The following ATRNL1 variants were observed in gnomAD, a reference collection of about 807,000 sequenced individuals.
ATRNL1 encodes attractin like 1, also known as attractin-like protein 1.
A neutral mutation model predicts 182.7 loss-of-function variants in ATRNL1; 95 were observed. That is an observed-to-expected ratio of 0.52 (90% confidence interval 0.44 to 0.62). The LOEUF is 0.62. Ranked by LOEUF, ATRNL1 falls within the 20% of genes least tolerant of loss-of-function variation. The pLI, the probability that ATRNL1 is intolerant of heterozygous loss-of-function variation, is 0.00. For synonymous variants in ATRNL1, 576 were observed against 568.3 expected (o/e 1.01, Z -0.19); for missense variants, 1,471 against 1,679.5 (o/e 0.88, Z 2.17).
chr10:115,465,609 G>T (rs1317861688), intron 22 of ATRNL1, among the ~76,000 whole-genome samples: 1 of 143,892 alleles, frequency 6.9e-6, no homozygotes, highest in East Asian at 2.0e-4. Context: ...ATAATCAATA[G>T]AAAATAAGAA....
At chr10:115,501,452 T>C (rs1849833564) in intron 24 of ATRNL1, among the ~76,000 whole-genome samples, 1 of 152,162 alleles carries the variant, frequency 6.6e-6, no homozygotes, top group Non-Finnish European at 1.5e-5. Context: ...TGTTATTGGC[T>C]CCATAAGTTG....
At chr10:115,383,842 G>C (rs1469776215) in intron 19 of ATRNL1, among the ~76,000 whole-genome samples, 1 of 151,898 alleles carries the variant, frequency 6.6e-6, no homozygotes, top group Non-Finnish European at 1.5e-5. Context: ...GTAAAATTTA[G>C]TTACCTTTTC....
intron 15 of ATRNL1, among the ~76,000 whole-genome samples, chr10:115,294,410 G>A (rs1853077336): frequency 1.3e-5 from 2 of 152,128 alleles, no homozygotes. Context: ...TTTATTCATT[G>A]AATTCTTCAG....
chr10:115,101,455 T>C (rs962193056), intron 1 of ATRNL1, among the ~76,000 whole-genome samples: 1 of 152,134 alleles, frequency 6.6e-6, no homozygotes, highest in Non-Finnish European at 1.5e-5. Context: ...TCTGTGCCCA[T>C]TGAGATAATC....
intron 26 of ATRNL1, among the ~76,000 whole-genome samples, chr10:115,707,117 C>T (rs1009423658): frequency 7.9e-5 from 12 of 151,740 alleles, no homozygotes; most frequent in African/African-American, 2.9e-4. Context: ...CCTGTAGTAT[C>T]ACATAATATA....
intron 21 of ATRNL1, among the ~76,000 whole-genome samples, chr10:115,440,194 A>G (rs1170282892): frequency 4.0e-5 from 6 of 151,892 alleles, no homozygotes; most frequent in African/African-American, 1.4e-4. Flanking sequence ...TTCTAGCACT[A>G]CAAGATATTT....
At chr10:115,566,544 G>A (rs1342100090) in intron 26 of ATRNL1, among the ~76,000 whole-genome samples, 1 of 152,056 alleles carries the variant, frequency 6.6e-6, no homozygotes, top group Non-Finnish European at 1.5e-5. Context: ...TAATTAAAAT[G>A]CACTATTTTA....
intron 20 of ATRNL1, among the ~76,000 whole-genome samples, chr10:115,410,705 C>G (rs534139567): frequency 1.3e-5 from 2 of 152,010 alleles, no homozygotes; most frequent in Non-Finnish European, 2.9e-5. Context: ...TGTGTTTTAC[C>G]TTTTATATCT....
chr10:115,111,312 A>G (rs1362968301), intron 1 of ATRNL1, among the ~76,000 whole-genome samples: 1 of 152,260 alleles, frequency 6.6e-6, no homozygotes, highest in Non-Finnish European at 1.5e-5. Flanking sequence ...TGTTAGAATT[A>G]TAGAGCTCAG....
intron 25 of ATRNL1, among the ~76,000 whole-genome samples, chr10:115,525,491 A>C (rs558265182): frequency 6.6e-6 from 1 of 152,208 alleles, no homozygotes; most frequent in African/African-American, 2.4e-5. Context: ...AAGCCTCCTT[A>C]TAATACTGGT....
chr10:115,483,510 A>G (rs1233570850), intron 24 of ATRNL1, among the ~76,000 whole-genome samples: 26 of 151,566 alleles, frequency 1.7e-4, no homozygotes, highest in Non-Finnish European at 3.3e-4. Context: ...ATTTTGGCTT[A>G]TTGCCAAATA....
At chr10:115,525,012 G>A (rs1851136270) in intron 25 of ATRNL1, among the ~76,000 whole-genome samples, 1 of 152,052 alleles carries the variant, frequency 6.6e-6, no homozygotes, top group South Asian at 2.1e-4. Flanking sequence ...TATTTTCAGG[G>A]ATCATTTTAC....
At chr10:115,368,306 C>G (rs1554946834) in intron 19 of ATRNL1, among the ~76,000 whole-genome samples, 5 of 152,210 alleles carry the variant, frequency 3.3e-5, no homozygotes, top group Non-Finnish European at 7.3e-5. Flanking sequence ...GTCCGTCACC[C>G]CTTTCTTTGA....
chr10:115,805,915 A>G (rs1439632777), intron 27 of ATRNL1, among the ~76,000 whole-genome samples: 2 of 152,208 alleles, frequency 1.3e-5, no homozygotes, highest in South Asian at 4.1e-4. Context: ...TTTATGCTAC[A>G]TAAAACGATA....
intron 21 of ATRNL1, among the ~76,000 whole-genome samples, chr10:115,458,413 T>A (rs782154527): frequency 3.3e-5 from 5 of 152,184 alleles, no homozygotes; most frequent in Admixed American, 6.6e-5. Flanking sequence ...TTGGTATTCT[T>A]ATTAGACACT....
intron 26 of ATRNL1, among the ~76,000 whole-genome samples, chr10:115,681,020 G>C (rs1280969395): frequency 6.6e-6 from 1 of 152,050 alleles, no homozygotes; most frequent in Non-Finnish European, 1.5e-5. Flanking sequence ...GTGTGGTTCT[G>C]CTTTAGTTGG....
chr10:115,870,303 G>C (rs1951550745), intron 28 of ATRNL1, among the ~76,000 whole-genome samples: 1 of 152,214 alleles, frequency 6.6e-6, no homozygotes, highest in Non-Finnish European at 1.5e-5. Flanking sequence ...CAATTGACTA[G>C]CTATTGGCTC....
intron 26 of ATRNL1, among the ~76,000 whole-genome samples, chr10:115,557,871 C>T (rs576471991): frequency 1.5e-4 from 23 of 151,926 alleles, no homozygotes; most frequent in Non-Finnish European, 3.1e-4. Context: ...ATGGTGAAAC[C>T]CCATCTCTGC....
intron 28 of ATRNL1, among the ~76,000 whole-genome samples, chr10:115,905,053 A>G (rs2134502217): frequency 6.6e-6 from 1 of 152,224 alleles, no homozygotes; most frequent in Admixed American, 6.5e-5. Flanking sequence ...TTCAAAATAA[A>G]TCCTTAAAAA....
Sources: gnomAD v4.1 joint callset for allele counts (sites outside exome capture counted in the v4.1 genomes callset) on GRCh38, gnomAD v4.1.1 for gene constraint, MANE v1.5 for transcripts, NCBI Gene and HGNC (gene_info 2026-07-23, HGNC 2026-07-21) for gene names.